Variants in TANGO6 observed in about 807,000 individuals in gnomAD.
The protein encoded by TANGO6 is transport and golgi organization 6 homolog.
Under a neutral mutation model 114.2 loss-of-function variants are expected in TANGO6, and 90 were observed. The observed-to-expected ratio is 0.79, with a 90% CI of 0.66 to 0.94. The LOEUF (loss-of-function observed/expected upper bound fraction) is 0.94, where lower values mean the gene tolerates loss of function less well. Among genes scored for constraint, TANGO6 ranks in the 40% least tolerant of loss-of-function variants. TANGO6 has a pLI of 0.00. For synonymous variants in TANGO6, 477 were observed against 509.8 expected (o/e 0.94, Z 0.87); for missense variants, 1,274 against 1,315.3 (o/e 0.97, Z 0.49).
chr16:68,849,822 AT>A (rs201391262), intron 1 of TANGO6, among the ~76,000 whole-genome samples: 1,923 of 152,144 alleles, frequency 0.013, 38 homozygotes, highest in African/African-American at 0.042. Context: ...TATTTTATAA[AT>A]TTTTTCTAAC....
intron 17 of TANGO6, among the ~76,000 whole-genome samples, chr16:69,056,125 T>TCAAC (rs2152238674): frequency 6.6e-6 from 1 of 152,302 alleles, no homozygotes; most frequent in African/African-American, 2.4e-5. Context: ...TTATAAATGT[T>TCAAC]CAACCTTTGC....
intron 7 of TANGO6, among the ~76,000 whole-genome samples, chr16:68,885,182 T>A (rs1962523687): frequency 6.6e-6 from 1 of 152,224 alleles, no homozygotes; most frequent in Non-Finnish European, 1.5e-5. Flanking sequence ...AGCTGCTCAC[T>A]AGGTAACGTG....
chr16:68,968,771 C>T (rs1410137316), intron 14 of TANGO6, among the ~76,000 whole-genome samples: 1 of 149,130 alleles, frequency 6.7e-6, no homozygotes, highest in African/African-American at 2.5e-5. Context: ...CCCGGGTTCA[C>T]GCCATTCTCC....
At chr16:68,946,181 T>TTTC (rs967422769) in intron 14 of TANGO6, among the ~76,000 whole-genome samples, 3 of 151,672 alleles carry the variant, frequency 2.0e-5, no homozygotes, top group African/African-American at 4.9e-5. Context: ...CTAATTTCTG[T>TTTC]TTCTTCTTCT....
At chr16:68,915,173 CAAAAAAAA>C (rs1165497927) in intron 11 of TANGO6, among the ~76,000 whole-genome samples, 1 of 73,836 alleles carries the variant, frequency 1.4e-5, no homozygotes, top group Non-Finnish European at 2.8e-5. Context: ...AACTCTGTCT[CAAAAAAAA>C]AAAAAAAAAA....
intron 16 of TANGO6, chr16:69,026,221 A>G (rs547505163): frequency 1.2e-4 from 12 of 97,366 alleles, no homozygotes; most frequent in Admixed American, 1.1e-3. Flanking sequence ...AGGCTGGTCT[A>G]AACTCCTAAC....
chr16:69,056,742 A>G (rs1007229451), intron 17 of TANGO6, among the ~76,000 whole-genome samples: 1 of 152,218 alleles, frequency 6.6e-6, no homozygotes, highest in African/African-American at 2.4e-5. Context: ...ATAATTTTCC[A>G]AAGTTAATGC....
At chr16:68,909,864 C>G (rs192007264) in intron 11 of TANGO6, among the ~76,000 whole-genome samples, 5 of 152,214 alleles carry the variant, frequency 3.3e-5, no homozygotes, top group Admixed American at 2.6e-4. Flanking sequence ...GAAGAAATCA[C>G]TAATAATAAT....
chr16:69,047,522 G>A (rs1959882106), intron 17 of TANGO6, among the ~76,000 whole-genome samples: 1 of 151,646 alleles, frequency 6.6e-6, no homozygotes, highest in Non-Finnish European at 1.5e-5. Context: ...TGTGACCAGA[G>A]GCTCTCAGGA....
At chr16:68,898,749 A>G (rs1395036895) in intron 7 of TANGO6, among the ~76,000 whole-genome samples, 1 of 152,132 alleles carries the variant, frequency 6.6e-6, no homozygotes, top group Admixed American at 6.6e-5. Flanking sequence ...ATAAAAACCT[A>G]TTATGATTCC....
intron 1 of TANGO6, among the ~76,000 whole-genome samples, chr16:68,856,731 A>G (rs1038768619): frequency 6.6e-6 from 1 of 152,220 alleles, no homozygotes; most frequent in African/African-American, 2.4e-5. Context: ...TTTGTGTTAT[A>G]TAATTTTATG....
intron 14 of TANGO6, among the ~76,000 whole-genome samples, chr16:68,934,885 G>A (rs375926045): frequency 3.9e-5 from 6 of 152,062 alleles, no homozygotes; most frequent in Admixed American, 2.6e-4. Context: ...TATCAAAATC[G>A]CAGCTGTTGG....
intron 17 of TANGO6, among the ~76,000 whole-genome samples, chr16:69,050,354 T>C (rs1187813866): frequency 1.3e-5 from 2 of 152,086 alleles, no homozygotes; most frequent in African/African-American, 4.8e-5. Flanking sequence ...TTTGTTTTTG[T>C]TTTTTCTGAA....
At chr16:69,062,793 A>T (rs1300356725) in intron 17 of TANGO6, among the ~76,000 whole-genome samples, 46 of 143,644 alleles carry the variant, frequency 3.2e-4, no homozygotes, top group African/African-American at 1.3e-3. Context: ...AATTTAAAAA[A>T]AAAAAAAAAA....
intron 14 of TANGO6, among the ~76,000 whole-genome samples, chr16:68,966,374 C>T (rs991476124): frequency 6.6e-6 from 1 of 151,698 alleles, no homozygotes; most frequent in Admixed American, 6.6e-5. Context: ...TGTGGTGGTG[C>T]GTGCCTATAG....
intron 4 of TANGO6, among the ~76,000 whole-genome samples, chr16:68,871,344 GTT>G (rs1962264456): frequency 6.6e-6 from 1 of 151,800 alleles, no homozygotes; most frequent in Admixed American, 6.6e-5. Flanking sequence ...CTTATGGCTG[GTT>G]TTTAGAAATT....
intron 4 of TANGO6, among the ~76,000 whole-genome samples, chr16:68,873,060 G>A (rs907215867): frequency 2.0e-5 from 3 of 151,344 alleles, no homozygotes; most frequent in African/African-American, 7.3e-5. Context: ...TATTCACAGA[G>A]CTGTGCAGTC....
intron 15 of TANGO6, among the ~76,000 whole-genome samples, chr16:69,004,429 C>G (rs145397263): frequency 3.4e-3 from 515 of 151,778 alleles, no homozygotes; most frequent in Middle Eastern, 0.01. Context: ...AATCTCTGCT[C>G]ACTGCAACCT....
chr16:69,065,544 T>A (rs999780618), intron 17 of TANGO6, among the ~76,000 whole-genome samples: 1 of 152,228 alleles, frequency 6.6e-6, no homozygotes. Flanking sequence ...GCACTTTAGA[T>A]GCTCTCCTCA....
Sources: gnomAD v4.1 joint callset for allele counts (sites outside exome capture counted in the v4.1 genomes callset) on GRCh38, gnomAD v4.1.1 for gene constraint, MANE v1.5 for transcripts, NCBI Gene and HGNC (gene_info 2026-07-23, HGNC 2026-07-21) for gene names.